PCDHA2: variants seen among roughly 807,000 people sequenced by gnomAD.
The protein encoded by PCDHA2 is protocadherin alpha 2.
Under a neutral mutation model 66.0 loss-of-function variants are expected in PCDHA2, and 58 were observed. The ratio of observed to expected loss-of-function variants is 0.88; its 90% CI spans 0.71 to 1.09. PCDHA2 has a LOEUF of 1.09. Ranked by LOEUF, PCDHA2 falls within the 50% of genes least tolerant of loss-of-function variation. The pLI is 0.00. For synonymous variants in PCDHA2, 634 were observed against 554.0 expected, an observed-to-expected ratio of 1.14 and a Z score of -2.03; for missense variants, 1,267 against 1,242.3, an observed-to-expected ratio of 1.02 and a Z score of -0.30.
chr5:140,986,373 G>A (rs376031401), intron 3 of PCDHA2, among the ~76,000 whole-genome samples: 26 of 152,280 alleles, frequency 1.7e-4, no homozygotes, highest in South Asian at 4.1e-4. Context: ...TGCGTTTTGG[G>A]GGGAGGGACA....
chr5:140,926,842 G>A (rs1388239431), intron 1 of PCDHA2: 1 of 1,514,684 alleles, frequency 6.6e-7, no homozygotes, highest in Non-Finnish European at 8.8e-7. Flanking sequence ...GCATGGTCCT[G>A]GGTCACCGTT....
chr5:140,887,120 G>A (rs2061314160), intron 1 of PCDHA2, among the ~76,000 whole-genome samples: 1 of 148,878 alleles, frequency 6.7e-6, no homozygotes, highest in African/African-American at 2.5e-5. Context: ...TTTTTGAGAC[G>A]GAGTCTCACT....
intron 2 of PCDHA2, 118 bp downstream of exon 2, chr5:140,979,125 C>A (rs782380399): frequency 8.7e-5 from 128 of 1,479,726 alleles, no homozygotes; most frequent in Non-Finnish European, 1.0e-4. Flanking sequence ...GGTACTTTGC[C>A]AGGAAAATGC....
Position 140,876,041 on chromosome 5 carries a change from T to A in PCDHA2, c.2388+78689T>A, listed in dbSNP as rs1554168219. The A allele has an allele frequency of 1.9e-6, 3 of 1,613,848 alleles. No homozygotes were observed. Among genetic ancestry groups the A allele is most frequent in the South Asian group, 2.2e-5 (2 of 91,072 alleles). On this transcript the variant is annotated intron_variant, in intron 1 of 3. Transcript: ENST00000526136. ...ATAAAAACAAAAAAAGATAAAAGTATATTGCCTGAATTAGTTCTTCGGAAG... is the reference window on the plus strand; with the variant it reads ...ATAAAAACAAAAAAAGATAAAAGTAAATTGCCTGAATTAGTTCTTCGGAAG...
At chr5:140,904,018 A>G (rs2070774543) in intron 1 of PCDHA2, among the ~76,000 whole-genome samples, 1 of 152,198 alleles carries the variant, frequency 6.6e-6, no homozygotes. Context: ...TTAAAAAATA[A>G]TGGTATAATT....
chr5:140,818,145 ATACGGCTTC>A (rs2150049293), intron 1 of PCDHA2, among the ~76,000 whole-genome samples: 1 of 152,356 alleles, frequency 6.6e-6, no homozygotes, highest in African/African-American at 2.4e-5. Context: ...ATGCCTTCAA[ATACGGCTTC>A]TACTTCATAT....
intron 1 of PCDHA2, chr5:140,849,763 T>C (rs1554143274): frequency 1.3e-6 from 2 of 1,598,470 alleles, no homozygotes; most frequent in Non-Finnish European, 1.7e-6. Context: ...GCCTACGAGC[T>C]GGTGGTTACC....
At chr5:140,888,173 T>A (rs1231331780) in intron 1 of PCDHA2, among the ~76,000 whole-genome samples, 1 of 152,224 alleles carries the variant, frequency 6.6e-6, no homozygotes, top group African/African-American at 2.4e-5. Context: ...AATAAGATGC[T>A]AGACATTGTG....
At chr5:140,845,287 C>A (rs918574993) in intron 1 of PCDHA2, among the ~76,000 whole-genome samples, 1 of 149,322 alleles carries the variant, frequency 6.7e-6, no homozygotes, top group Non-Finnish European at 1.5e-5. Flanking sequence ...TATTTCCTAT[C>A]CTGTCTATGT....
chr5:140,973,755 G>A (rs1442337323), intron 1 of PCDHA2, among the ~76,000 whole-genome samples: 1 of 152,234 alleles, frequency 6.6e-6, no homozygotes, highest in Admixed American at 6.5e-5. Flanking sequence ...ACTCTGCAGG[G>A]ACACAGCCTG....
chr5:140,802,643 G>A (rs151289883), intron 1 of PCDHA2: 8 of 1,613,746 alleles, frequency 5.0e-6, no homozygotes, highest in Non-Finnish European at 6.8e-6. Context: ...CGCGGGACGC[G>A]GACGCGCAGG....
chr5:140,999,854 C>T (rs1459226420), intron 3 of PCDHA2, among the ~76,000 whole-genome samples: 4 of 152,112 alleles, frequency 2.6e-5, no homozygotes, highest in Admixed American at 1.3e-4. Context: ...TTATCTCTTC[C>T]GCTCCAAGAT....
intron 1 of PCDHA2, chr5:140,882,412 C>A: frequency 6.2e-7 from 1 of 1,614,138 alleles, no homozygotes; most frequent in Non-Finnish European, 8.5e-7. Context: ...TGGGCCGCAT[C>A]GCTCAGGACC....
intron 1 of PCDHA2, chr5:140,863,417 G>C: frequency 7.1e-6 from 5 of 701,160 alleles, no homozygotes; most frequent in African/African-American, 1.8e-5. Context: ...CTGGTGTACC[G>C]CAGCGTAGTG....
intron 1 of PCDHA2, chr5:140,883,058 C>T (rs782098362): frequency 6.2e-7 from 1 of 1,614,074 alleles, no homozygotes; most frequent in Admixed American, 1.7e-5. Flanking sequence ...AGTGATCAAG[C>T]TAAATGCCAC....
chr5:140,853,323 A>T (rs191492772), intron 1 of PCDHA2: 1 of 984,966 alleles, frequency 1.0e-6, no homozygotes, highest in African/African-American at 1.8e-5. Context: ...TAATAAATTT[A>T]TCTTTTGAGG....
rs2054518116 is a variant in PCDHA2, at chr5:140,873,832, T to G, written c.2388+76480T>G. Among the ~76,000 whole-genome samples, 4 of 152,260 alleles carry G rather than the reference T, an allele frequency of 2.6e-5. No homozygotes were observed. In the South Asian group the frequency reaches 8.3e-4, roughly 32 times the overall value. On this transcript the variant is annotated intron_variant, in intron 1 of 3. Transcript: ENST00000526136. ...TGCACCACCACTCCTGGCTAATTTT[T>G]GTATTTTTAGTAGAGATGGGTTTTC...
intron 1 of PCDHA2, among the ~76,000 whole-genome samples, chr5:140,962,088 T>C (rs893852980): frequency 6.6e-6 from 1 of 152,092 alleles, no homozygotes; most frequent in Non-Finnish European, 1.5e-5. Flanking sequence ...GGTTTCACCA[T>C]GTTAGCCAGG....
chr5:140,942,280 C>T (rs1157451404), intron 1 of PCDHA2, among the ~76,000 whole-genome samples: 6 of 152,030 alleles, frequency 3.9e-5, no homozygotes, highest in African/African-American at 1.5e-4. Context: ...AATGGTGGCT[C>T]ATGCCTGTAA....
Sources: gnomAD v4.1 joint callset for allele counts (sites outside exome capture counted in the v4.1 genomes callset) on GRCh38, gnomAD v4.1.1 for gene constraint, MANE v1.5 for transcripts, NCBI Gene and HGNC (gene_info 2026-07-23, HGNC 2026-07-21) for gene names.